Variants in RMND5B observed in about 807,000 individuals in gnomAD.
RMND5B encodes the protein required for meiotic nuclear division 5 homolog B.
In RMND5B, 42 loss-of-function variants were observed where a neutral mutation model predicts 50.4. The ratio of observed to expected loss-of-function variants is 0.83; its 90% CI spans 0.65 to 1.08. The LOEUF is 1.08. Ranked by LOEUF, RMND5B falls within the 50% of genes least tolerant of loss-of-function variation. The probability of loss-of-function intolerance (pLI) is 0.00; values close to 1 mark genes in which losing one functional copy is unlikely to be tolerated. For missense variants in RMND5B, 463 were observed against 508.5 expected (o/e 0.91, Z 0.86); for synonymous variants, 220 against 210.0 (o/e 1.05, Z -0.41).
rs376681458 is a variant in RMND5B at position 178,136,433 on chromosome 5, G to C, written c.-12-1675G>C. ...AGGGTGTTTGTTCAGAGGGGATGGT[G>C]GGGGGTGGGTGGCATAGCTTCTGGA... On this transcript the variant is annotated intron_variant, in intron 2 of 10. Transcript: ENST00000313386. 1.2e-4 allele frequency among the ~76,000 whole-genome samples: 18 copies of C among 152,264 alleles called. No individual in the cohort carries two copies. The East Asian group carries it at 2.9e-3, about 24-fold the overall frequency.
At chr5:178,147,182 A>C in intron 8 of RMND5B, 1 of 278,264 alleles carries the variant, frequency 3.6e-6, no homozygotes, top group East Asian at 8.3e-5. Flanking sequence ...ACTACACAGC[A>C]GGGTACGTCC....
rs1226288011 is a variant in RMND5B at position 178,150,453 on chromosome 5, T to A, written c.*2421T>A. On this transcript the variant is annotated 3_prime_UTR_variant, in exon 11 of 11. Coordinates refer to ENST00000313386, the MANE Select transcript of RMND5B (RefSeq NM_022762.5). ...GAGTGTGGTGGTGTATGATCATGGC[T>A]CACTGCAGCCTTGAACTCCTGGGTT... 5.7e-6 allele frequency: 2 copies of A among 351,956 alleles called. No individual in the cohort carries two copies. The highest frequency in any genetic ancestry group is 5.6e-6 in the Non-Finnish European group (1 of 178,726). The allele number at this position is 351,956 out of a possible 1,614,324, so 21.8% of individuals were successfully genotyped here. A position where few individuals can be genotyped will look rare whatever the true frequency, so the allele number is the denominator to read the frequency against.
At chr5:178,133,014 A>G (rs1467085243) in intron 2 of RMND5B, among the ~76,000 whole-genome samples, 2 of 151,192 alleles carry the variant, frequency 1.3e-5, no homozygotes, top group Non-Finnish European at 3.0e-5. Context: ...ACAGGCACGC[A>G]CCACCACGCC....
In RMND5B at chr5:178,149,606, G is replaced by A; in HGVS notation, c.*1574G>A. 3 of 1,478,072 alleles carry A rather than the reference G, an allele frequency of 2.0e-6. No individual in the cohort carries two copies. Among genetic ancestry groups the A allele is most frequent in the Non-Finnish European group, 9.3e-7 (1 of 1,071,848 alleles). The allele number at this position is 1,478,072 out of a possible 1,614,324, so 91.6% of individuals were successfully genotyped here. A position where few individuals can be genotyped will look rare whatever the true frequency, so the allele number is the denominator to read the frequency against. On this transcript the variant is annotated 3_prime_UTR_variant, in exon 11 of 11. Transcript: ENST00000313386. ...TGCCTGGGAAGAAGGCGTGCCTTGG[G>A]GAACTGGGAAGATGCCGTCAGTGTG...
rs1245040423 is a variant in RMND5B at position 178,145,304 on chromosome 5, GT to G, written c.695-809del. Among the ~76,000 whole-genome samples the G allele has an allele frequency of 2.0e-5, 3 of 151,982 alleles. No individual in the cohort carries two copies. The East Asian group carries it at 5.8e-4, about 30-fold the overall frequency. On this transcript the variant is annotated intron_variant, in intron 7 of 10. Coordinates refer to ENST00000313386, the MANE Select transcript of RMND5B (RefSeq NM_022762.5). Reference sequence around the variant, plus strand: ...GATCGAGACCATCCTGGCCAACATGGTGAAACCCCATCTCTACTAAAAATAT... The same window carrying G: ...GATCGAGACCATCCTGGCCAACATGGGAAACCCCATCTCTACTAAAAATAT...
At chr5:178,147,435 A>C in intron 8 of RMND5B, 98 bp from the exon 9 acceptor site, 1 of 846,462 alleles carries the variant, frequency 1.2e-6, no homozygotes, top group Non-Finnish European at 1.9e-6. Context: ...ACCATTTTAG[A>C]GCCCTGTCTC....
intron 7 of RMND5B, 63 bp from the exon 8 acceptor site, chr5:178,146,051 C>A: frequency 6.4e-7 from 1 of 1,558,910 alleles, no homozygotes; most frequent in Non-Finnish European, 8.8e-7. Flanking sequence ...AGTCCTGCTG[C>A]CCGCTTGGGG....
At chr5:178,140,683 A>G (rs1257361746) in intron 3 of RMND5B, among the ~76,000 whole-genome samples, 2 of 152,048 alleles carry the variant, frequency 1.3e-5, no homozygotes, top group African/African-American at 4.8e-5. Context: ...TACAAAAATT[A>G]GCCGGGCATG....
At position 178,149,991 on chromosome 5, in the gene RMND5B, C is replaced by T. The variant is rs1340396247; in HGVS notation, c.*1959C>T. 1.3e-6 allele frequency: 1 copy of T among 775,646 alleles called. No homozygotes were observed. The highest frequency in any genetic ancestry group is 1.7e-5 in the African/African-American group (1 of 57,372). The allele number at this position is 775,646 out of a possible 1,614,324, so 48.0% of individuals were successfully genotyped here. On this transcript the variant is annotated 3_prime_UTR_variant, in exon 11 of 11. Coordinates refer to ENST00000313386, the MANE Select transcript of RMND5B (RefSeq NM_022762.5). The stretch of plus-strand genomic sequence containing the variant: ...AAAAGCATCTTGAATTGGTTGCCAT[C>T]ATTTAAACTCAATCAGACTTTGAAG...
At chr5:178,142,283 G>A (rs1758986551) in intron 3 of RMND5B, 3 of 350,144 alleles carry the variant, frequency 8.6e-6, no homozygotes, top group African/African-American at 4.1e-5. Flanking sequence ...TAGTCCATGA[G>A]TTGAAATAAA....
rs570522945 is a variant in RMND5B at position 178,149,655 on chromosome 5, G to C, written c.*1623G>C. Reference sequence around the variant, plus strand: ...TGGGTGGGCAGGAGGACAGCCAGTCGTCCTGCTGCCAGCCCAATAGCTTCC... The same window carrying C: ...TGGGTGGGCAGGAGGACAGCCAGTCCTCCTGCTGCCAGCCCAATAGCTTCC... On this transcript the variant is annotated 3_prime_UTR_variant, in exon 11 of 11. Coordinates refer to ENST00000313386, the MANE Select transcript of RMND5B (RefSeq NM_022762.5). The C allele has an allele frequency of 1.9e-6, 3 of 1,608,716 alleles. No homozygotes were observed. Among genetic ancestry groups the C allele is most frequent in the South Asian group, 2.2e-5 (2 of 90,572 alleles).
chr5:178,143,340 A>C (rs1755792421), intron 5 of RMND5B, among the ~76,000 whole-genome samples: 1 of 152,154 alleles, frequency 6.6e-6, no homozygotes, highest in African/African-American at 2.4e-5. Flanking sequence ...GAAGAGGAGT[A>C]ATTTTCTCGC....
rs1758768634 is a variant in RMND5B, at chr5:178,138,966, C to T, written c.139+708C>T. ...CTGTAATCCCAGCACTTCGGGAGCC[C>T]GAGGCCGACAGATCACCTGAGATCA... On this transcript the variant is annotated intron_variant, in intron 3 of 10. Transcript: ENST00000313386. The surrounding 1 kb of genome is among the most constrained non-coding windows in gnomAD (Gnocchi z 5.1). 6.6e-6 allele frequency among the ~76,000 whole-genome samples: 1 copy of T among 152,040 alleles called. No individual in the cohort carries two copies. Among genetic ancestry groups the T allele is most frequent in the Non-Finnish European group, 1.5e-5 (1 of 68,028 alleles).
At chr5:178,132,050 C>A (rs1428411615) in intron 2 of RMND5B, among the ~76,000 whole-genome samples, 2 of 152,130 alleles carry the variant, frequency 1.3e-5, no homozygotes, top group Non-Finnish European at 2.9e-5. Context: ...CGGTGGTTCA[C>A]GCCCGTAATT....
chr5:178,149,919 G>C lies in RMND5B; in HGVS notation c.*1887G>C. Reference sequence around the variant, plus strand: ...GAAGTCACCAACTGATGACCCACCAGCCTAATCTGGCCCACAACCATGTTC... The same window carrying C: ...GAAGTCACCAACTGATGACCCACCACCCTAATCTGGCCCACAACCATGTTC... On this transcript the variant is annotated 3_prime_UTR_variant, in exon 11 of 11. Coordinates refer to ENST00000313386, the MANE Select transcript of RMND5B (RefSeq NM_022762.5). The C allele has an allele frequency of 6.9e-7, 1 of 1,457,124 alleles. No homozygotes were observed. The highest frequency in any genetic ancestry group is 9.5e-7 in the Non-Finnish European group (1 of 1,052,568). The allele number at this position is 1,457,124 out of a possible 1,614,324, so 90.3% of individuals were successfully genotyped here. A position where few individuals can be genotyped will look rare whatever the true frequency, so the allele number is the denominator to read the frequency against.
chr5:178,142,291 A>G, intron 3 of RMND5B: 1 of 368,676 alleles, frequency 2.7e-6, no homozygotes, highest in African/African-American at 2.0e-5. Context: ...GAGTTGAAAT[A>G]AACACTTGAC....
At position 178,145,951 on chromosome 5, in the gene RMND5B, G is replaced by A. The variant is rs113907080; in HGVS notation, c.695-163G>A. The A allele has an allele frequency of 3.1e-4, 198 of 634,064 alleles. 1 individual carries two copies. The African/African-American group carries it at 3.2e-3, about 10-fold the overall frequency. The allele number at this position is 634,064 out of a possible 1,614,324, so 39.3% of individuals were successfully genotyped here. ...CTCCACCTCCCCAGTGGATTTTACA[G>A]TCAAATTTGCCTGAGGGCATTTTCA... On this transcript the variant is annotated intron_variant, in intron 7 of 10. Transcript: ENST00000313386.
chr5:178,147,185 G>A (rs922848410), intron 8 of RMND5B: 1 of 289,326 alleles, frequency 3.5e-6, no homozygotes, highest in Non-Finnish European at 6.5e-6. Context: ...ACACAGCAGG[G>A]TACGTCCTAC....
rs1468174032 is a variant in RMND5B, at chr5:178,137,862, C to A, written c.-12-246C>A. On this transcript the variant is annotated intron_variant, in intron 2 of 10. Transcript: ENST00000313386. This position sits in a 1 kb window ranked among gnomAD's most constrained non-coding sequence, Gnocchi z 4.4. ...TGAAAATGGAATAATAATTTTCTCA[C>A]CATGATTAAGAAAAACCTCGTCCTC... Among the ~76,000 whole-genome samples the A allele has an allele frequency of 1.3e-5, 2 of 152,094 alleles. No individual in the cohort carries two copies. The highest frequency in any genetic ancestry group is 2.9e-5 in the Non-Finnish European group (2 of 68,036).
Sources: gnomAD v4.1 joint callset for allele counts (sites outside exome capture counted in the v4.1 genomes callset) on GRCh38, gnomAD v4.1.1 for gene constraint, Gnocchi (gnomAD v3.1) non-coding constraint, MANE v1.5 for transcripts, NCBI Gene and HGNC (gene_info 2026-07-23, HGNC 2026-07-21) for gene names.